Variants in PTPRG observed in about 807,000 individuals in gnomAD.
The protein encoded by PTPRG is receptor-type tyrosine-protein phosphatase gamma.
In PTPRG, 102 loss-of-function variants were observed where a neutral mutation model predicts 165.3. That is an observed-to-expected ratio of 0.62 (90% CI 0.53 to 0.73). PTPRG has a LOEUF of 0.73. Ranked by LOEUF, PTPRG falls within the 30% of genes least tolerant of loss-of-function variation. The pLI, the probability that PTPRG is intolerant of heterozygous loss-of-function variation, is 0.00. For synonymous variants in PTPRG, 675 were observed against 669.5 expected, an observed-to-expected ratio of 1.01 and a Z score of -0.13; for missense variants, 1,866 against 1,861.4, an observed-to-expected ratio of 1.00 and a Z score of -0.05.
chr3:62,115,859 G>C (rs1053823817), intron 5 of PTPRG, among the ~76,000 whole-genome samples: 5 of 152,070 alleles, frequency 3.3e-5, no homozygotes, highest in African/African-American at 1.2e-4. Context: ...CTTACAGTGG[G>C]AAAGAATATC....
intron 4 of PTPRG, among the ~76,000 whole-genome samples, chr3:62,055,094 C>T (rs974916017): frequency 2.5e-4 from 38 of 152,156 alleles, no homozygotes; most frequent in African/African-American, 8.9e-4. Flanking sequence ...TGAACTGATA[C>T]ACTCACATCA....
chr3:61,961,929 T>TCGGG (rs2040161651), intron 2 of PTPRG, among the ~76,000 whole-genome samples: 1 of 152,168 alleles, frequency 6.6e-6, no homozygotes, highest in Non-Finnish European at 1.5e-5. Context: ...CAGACACAGC[T>TCGGG]CGGGCTCTGC....
intron 4 of PTPRG, among the ~76,000 whole-genome samples, chr3:62,005,875 G>T (rs747611008): frequency 6.6e-6 from 1 of 151,420 alleles, no homozygotes; most frequent in Non-Finnish European, 1.5e-5. Context: ...GCTAATTTTT[G>T]TATTTTTAGT....
chr3:62,084,213 T>A (rs1167681527), intron 5 of PTPRG, among the ~76,000 whole-genome samples: 1 of 152,234 alleles, frequency 6.6e-6, no homozygotes, highest in Non-Finnish European at 1.5e-5. Context: ...GGTATATTTC[T>A]GAATACATTT....
chr3:61,996,730 C>T (rs1227539662), intron 3 of PTPRG, among the ~76,000 whole-genome samples: 1 of 152,130 alleles, frequency 6.6e-6, no homozygotes, highest in Middle Eastern at 3.2e-3. Flanking sequence ...ATACATTTTC[C>T]TGTTTCAAAG....
At chr3:61,985,177 T>G (rs1268601942) in intron 2 of PTPRG, among the ~76,000 whole-genome samples, 1 of 152,242 alleles carries the variant, frequency 6.6e-6, no homozygotes, top group African/African-American at 2.4e-5. Context: ...ACTGTTGGCT[T>G]CTGCCCAAAT....
Position 62,281,551 on chromosome 3 carries a change from T to TTTTTTTG in PTPRG, c.3766-12_3766-11insTTTTTTG. Reference sequence around the variant, plus strand: ...GAACTGCAGAGGCTTTTTTTTTTTTTGGATTCCAAAGGCAGAAGATGAGTT... The same window carrying TTTTTTTG: ...GAACTGCAGAGGCTTTTTTTTTTTTTTTTTTTGGGATTCCAAAGGCAGAAGATGAGTT... On this transcript the variant is annotated splice_polypyrimidine_tract_variant and intron_variant, in intron 26 of 29. Transcript: ENST00000474889. 1 of 1,466,126 alleles carries TTTTTTTG rather than the reference T, an allele frequency of 6.8e-7. No individual in the cohort carries two copies. The highest frequency in any genetic ancestry group is 1.4e-5 in the South Asian group (1 of 73,042). The allele number at this position is 1,466,126 out of a possible 1,614,324, so 90.8% of individuals were successfully genotyped here.
At position 62,113,373 on chromosome 3, in the gene PTPRG, G is replaced by GGTTA. The variant is rs1232338691; in HGVS notation, c.616-19228_616-19225dup. On this transcript the variant is annotated intron_variant, in intron 5 of 29. Transcript: ENST00000474889. ...TAGTTCCTGCCACTCACCCTACCTAGGTTACTCTTTGCTGAAATGCTTACT... is the reference window on the plus strand; with the variant it reads ...TAGTTCCTGCCACTCACCCTACCTAGGTTAGTTACTCTTTGCTGAAATGCTTACT... Among the ~76,000 whole-genome samples the GGTTA allele has an allele frequency of 9.2e-5, 14 of 152,092 alleles. 2 individuals carry two copies. The highest frequency in any genetic ancestry group is 8.5e-4 in the Admixed American group (13 of 15,258).
intron 1 of PTPRG, among the ~76,000 whole-genome samples, chr3:61,703,873 C>T (rs1056461232): frequency 2.0e-5 from 3 of 152,112 alleles, no homozygotes; most frequent in Non-Finnish European, 2.9e-5. Context: ...TTCTGGACGG[C>T]AATATATAGC....
chr3:62,068,031 TTAAG>T (rs1481209376), intron 4 of PTPRG, among the ~76,000 whole-genome samples: 1 of 152,136 alleles, frequency 6.6e-6, no homozygotes, highest in African/African-American at 2.4e-5. Flanking sequence ...TAGAACAGTT[TTAAG>T]TAAGTGGGCT....
intron 13 of PTPRG, among the ~76,000 whole-genome samples, chr3:62,227,643 G>T (rs1450727438): frequency 1.3e-5 from 2 of 152,264 alleles, no homozygotes; most frequent in Admixed American, 6.5e-5. Context: ...TTTATGGCTG[G>T]CCTAGTTACT....
At chr3:61,889,578 A>G (rs369249871) in intron 2 of PTPRG, among the ~76,000 whole-genome samples, 1 of 152,218 alleles carries the variant, frequency 6.6e-6, no homozygotes, top group Non-Finnish European at 1.5e-5. Flanking sequence ...TATGTTGCCC[A>G]TATGAAAAGC....
intron 1 of PTPRG, among the ~76,000 whole-genome samples, chr3:61,729,698 T>C (rs1022215932): frequency 2.6e-5 from 4 of 152,236 alleles, no homozygotes; most frequent in African/African-American, 7.2e-5. Context: ...ATTTAAAACA[T>C]GAGCCTAGTG....
At chr3:61,604,823 C>G (rs969132966) in intron 1 of PTPRG, among the ~76,000 whole-genome samples, 1 of 152,106 alleles carries the variant, frequency 6.6e-6, no homozygotes, top group Non-Finnish European at 1.5e-5. Flanking sequence ...GAAGGAGTAT[C>G]TGTTTTTCAA....
intron 2 of PTPRG, among the ~76,000 whole-genome samples, chr3:61,781,766 T>G (rs963765010): frequency 6.6e-6 from 1 of 152,102 alleles, no homozygotes; most frequent in Non-Finnish European, 1.5e-5. Flanking sequence ...CTTACTCTCT[T>G]ATGTAGGCTG....
intron 8 of PTPRG, among the ~76,000 whole-genome samples, chr3:62,179,499 A>G (rs1705566807): frequency 6.6e-6 from 1 of 152,246 alleles, no homozygotes; most frequent in African/African-American, 2.4e-5. Context: ...GGCTGGCACC[A>G]GGAAAGGCTT....
intron 2 of PTPRG, among the ~76,000 whole-genome samples, chr3:61,795,753 C>T (rs758908985): frequency 2.6e-5 from 4 of 151,076 alleles, no homozygotes; most frequent in Non-Finnish European, 4.4e-5. Context: ...TAGTATATAC[C>T]GGCTATTTTT....
chr3:62,177,916 C>T (rs1388453211), intron 8 of PTPRG, among the ~76,000 whole-genome samples: 1 of 152,036 alleles, frequency 6.6e-6, no homozygotes, highest in Non-Finnish European at 1.5e-5. Context: ...CCCTAATATC[C>T]AGCTCTCCCA....
chr3:61,786,016 G>T (rs1019620998), intron 2 of PTPRG, among the ~76,000 whole-genome samples: 1 of 152,122 alleles, frequency 6.6e-6, no homozygotes, highest in Non-Finnish European at 1.5e-5. Context: ...AACAGGAAGC[G>T]ACAACTACTA....
Sources: gnomAD v4.1 joint callset for allele counts (sites outside exome capture counted in the v4.1 genomes callset) on GRCh38, gnomAD v4.1.1 for gene constraint, MANE v1.5 for transcripts, NCBI Gene and HGNC (gene_info 2026-07-23, HGNC 2026-07-21) for gene names.